DCC: variants seen among roughly 807,000 people sequenced by gnomAD.
DCC encodes the protein DCC netrin 1 receptor, also known as netrin receptor DCC.
A neutral mutation model predicts 172.5 loss-of-function variants in DCC; 58 were observed. The ratio of observed to expected loss-of-function variants is 0.34; its 90% confidence interval spans 0.27 to 0.42. The LOEUF (loss-of-function observed/expected upper bound fraction) is 0.42, where lower values mean the gene tolerates loss of function less well. DCC is among the 10% of genes least tolerant of loss of function. The pLI, the probability that DCC is intolerant of heterozygous loss-of-function variation, is 1.00. For synonymous variants in DCC, 709 were observed against 644.5 expected, an observed-to-expected ratio of 1.10 and a Z score of -1.52; for missense variants, 1,740 against 1,791.0, an observed-to-expected ratio of 0.97 and a Z score of 0.51.
rs116174211 is a variant in DCC, at chr18:52,907,739, G to A, written c.697+1411G>A. Among the ~76,000 whole-genome samples, 314 of 152,168 alleles carry A rather than the reference G, an allele frequency of 2.1e-3. 1 individual carries two copies. Among genetic ancestry groups the A allele is most frequent in the African/African-American group, 7.2e-3 (298 of 41,544 alleles). On this transcript the variant is annotated intron_variant, in intron 3 of 28. Transcript: ENST00000442544. The stretch of plus-strand genomic sequence containing the variant: ...GCCCAGCCTGAACAATCACTTACTT[G>A]TCCATTCACATGCTTATTTCTGAGA...
intron 2 of DCC, among the ~76,000 whole-genome samples, chr18:52,859,647 T>C (rs1300171155): frequency 1.3e-5 from 2 of 152,222 alleles, no homozygotes; most frequent in Non-Finnish European, 1.5e-5. Context: ...TTTCTAAATC[T>C]GGACTAGAGA....
chr18:52,919,637 T>C (rs1314372978), intron 3 of DCC, among the ~76,000 whole-genome samples: 2 of 57,146 alleles, frequency 3.5e-5, no homozygotes, highest in Admixed American at 2.7e-4. Context: ...CGATGGTTCT[T>C]TTTTTTTTTG....
chr18:53,185,731 G>A (rs2055271133), intron 9 of DCC, among the ~76,000 whole-genome samples: 1 of 152,020 alleles, frequency 6.6e-6, no homozygotes, highest in Admixed American at 6.6e-5. Flanking sequence ...AGTCAGAAAT[G>A]GTCCTAACTT....
At chr18:52,400,707 G>A (rs888883040) in intron 1 of DCC, among the ~76,000 whole-genome samples, 3 of 151,922 alleles carry the variant, frequency 2.0e-5, no homozygotes, top group African/African-American at 7.2e-5. Flanking sequence ...ATGCCCATCA[G>A]TGATAGACTG....
rs2035860232 is a variant in DCC at position 52,687,494 on chromosome 18, A to C, written c.92-64560A>C. On this transcript the variant is annotated intron_variant, in intron 1 of 28. Coordinates refer to ENST00000442544, the MANE Select transcript of DCC (RefSeq NM_005215.4). The stretch of plus-strand genomic sequence containing the variant: ...AAGACAAGGTTTCACCATGTTGGCC[A>C]GGCCGGTCTCAATCTCCTGACCTCA... Among the ~76,000 whole-genome samples, 3 of 152,046 alleles carry C rather than the reference A, an allele frequency of 2.0e-5. 1 individual carries two copies. The South Asian group carries it at 6.2e-4, about 32-fold the overall frequency.
At chr18:52,960,145 G>T (rs552773957) in intron 5 of DCC, among the ~76,000 whole-genome samples, 1 of 151,972 alleles carries the variant, frequency 6.6e-6, no homozygotes. Flanking sequence ...CCTGGAGCTC[G>T]AAATTTCCCT....
At chr18:52,683,683 G>A (rs1485465653) in intron 1 of DCC, among the ~76,000 whole-genome samples, 1 of 152,062 alleles carries the variant, frequency 6.6e-6, no homozygotes, top group Non-Finnish European at 1.5e-5. Flanking sequence ...TCTCAGAGAA[G>A]CTTCACTGAT....
chr18:52,529,092 A>G (rs2032070036), intron 1 of DCC, among the ~76,000 whole-genome samples: 1 of 152,198 alleles, frequency 6.6e-6, no homozygotes, highest in East Asian at 1.9e-4. Flanking sequence ...CCAATATTCC[A>G]GTACTCATCT....
chr18:52,372,474 G>A (rs904373244), intron 1 of DCC, among the ~76,000 whole-genome samples: 3 of 152,168 alleles, frequency 2.0e-5, no homozygotes, highest in African/African-American at 7.2e-5. Flanking sequence ...ATGACCTTTA[G>A]AGTTGACAGC....
At chr18:53,398,462 C>T (rs17506154) in intron 18 of DCC, among the ~76,000 whole-genome samples, 1 of 151,816 alleles carries the variant, frequency 6.6e-6, no homozygotes, top group Non-Finnish European at 1.5e-5. Context: ...CCTGAATGCA[C>T]AATGTTCACA....
chr18:52,701,413 C>G (rs2036120943), intron 1 of DCC, among the ~76,000 whole-genome samples: 1 of 152,170 alleles, frequency 6.6e-6, no homozygotes, highest in Non-Finnish European at 1.5e-5. Flanking sequence ...GAAATACAGA[C>G]AAGCTGTGGG....
chr18:53,066,265 T>C (rs2144090081), intron 7 of DCC, 99 bp downstream of exon 7: 1 of 1,143,930 alleles, frequency 8.7e-7, no homozygotes, highest in Non-Finnish European at 1.3e-6. Context: ...AAGGGCAATA[T>C]GGCAATATGA....
chr18:52,573,180 A>G (rs2144762227), intron 1 of DCC, among the ~76,000 whole-genome samples: 1 of 152,310 alleles, frequency 6.6e-6, no homozygotes, highest in Non-Finnish European at 1.5e-5. Flanking sequence ...TAAATCTTGT[A>G]TGGTTAATAA....
chr18:53,117,838 T>C (rs1335260689), intron 7 of DCC, among the ~76,000 whole-genome samples: 1 of 151,756 alleles, frequency 6.6e-6, no homozygotes, highest in Non-Finnish European at 1.5e-5. Context: ...ACATTATTTA[T>C]GGACACTGAA....
At chr18:52,885,211 C>T (rs1161381363) in intron 2 of DCC, among the ~76,000 whole-genome samples, 2 of 152,114 alleles carry the variant, frequency 1.3e-5, no homozygotes, top group African/African-American at 4.8e-5. Flanking sequence ...AGCAAGTGGG[C>T]AAGCCAGTCA....
chr18:53,118,042 T>C (rs1315730563), intron 7 of DCC, among the ~76,000 whole-genome samples: 12 of 151,776 alleles, frequency 7.9e-5, no homozygotes, highest in Admixed American at 7.9e-4. Flanking sequence ...TCTGACGTCA[T>C]CATAAACACC....
intron 7 of DCC, 32 bp downstream of exon 7, chr18:53,066,198 G>C (rs1326164515): frequency 6.2e-7 from 1 of 1,605,050 alleles, no homozygotes; most frequent in East Asian, 2.2e-5. Context: ...TTTGGTACCT[G>C]GAATGAAAAT....
chr18:52,602,422 T>TGTGTGTGTGTGA (rs944835362), intron 1 of DCC, among the ~76,000 whole-genome samples: 3 of 151,940 alleles, frequency 2.0e-5, no homozygotes, highest in Admixed American at 2.0e-4. Flanking sequence ...TGTGTGTGTG[T>TGTGTGTGTGTGA]GATTCAACTT....
chr18:53,321,445 C>A (rs1482254129), intron 13 of DCC, among the ~76,000 whole-genome samples: 1 of 152,030 alleles, frequency 6.6e-6, no homozygotes, highest in Non-Finnish European at 1.5e-5. Context: ...GTTCTCTGTG[C>A]GTTTTGAAAT....
Sources: gnomAD v4.1 joint callset for allele counts (sites outside exome capture counted in the v4.1 genomes callset) on GRCh38, gnomAD v4.1.1 for gene constraint, MANE v1.5 for transcripts, NCBI Gene and HGNC (gene_info 2026-07-23, HGNC 2026-07-21) for gene names.